SHISA9: variants seen among roughly 807,000 people sequenced by gnomAD.
SHISA9 encodes the protein protein shisa-9.
SHISA9 carries 13 observed loss-of-function variants against 38.0 expected under a neutral mutation model. The ratio of observed to expected loss-of-function variants is 0.34; its 90% CI spans 0.22 to 0.54. The LOEUF (loss-of-function observed/expected upper bound fraction) is 0.54. Ranked by LOEUF, SHISA9 falls within the 20% of genes least tolerant of loss-of-function variation. The pLI is 0.91. For missense variants in SHISA9, 538 were observed against 575.8 expected (o/e 0.93, Z 0.67); for synonymous variants, 275 against 242.0 (o/e 1.14, Z -1.27).
Position 12,969,893 on chromosome 16 carries a change from TG to T in SHISA9, c.691+53079del, listed in dbSNP as rs1325648746. ...GAAGCTATATTCAAAATGTAGAACG[TG>T]CAAAACAATATAGTAAACTGTTTAG... On this transcript the variant is annotated intron_variant, in intron 2 of 4. Coordinates refer to ENST00000558583, the MANE Select transcript of SHISA9 (RefSeq NM_001145204.3). Among the ~76,000 whole-genome samples, 4 of 152,188 alleles carry T rather than the reference TG, an allele frequency of 2.6e-5. 1 individual carries two copies. The highest frequency in any genetic ancestry group is 3.4e-3 in the Middle Eastern group (1 of 294).
intron 2 of SHISA9, among the ~76,000 whole-genome samples, chr16:13,128,150 A>G (rs2050277303): frequency 6.6e-6 from 1 of 152,148 alleles, no homozygotes; most frequent in Admixed American, 6.5e-5. Flanking sequence ...ACTTGGGGAC[A>G]CAGTCTCTAC....
chr16:13,326,829 T>C, the SHISA9 span, among the ~76,000 whole-genome samples: 299 of 152,312 alleles, frequency 2.0e-3, no homozygotes, highest in Non-Finnish European at 3.2e-3. Flanking sequence ...AGTGATATGG[T>C]TGAGATACCC....
In SHISA9 at chr16:13,237,039, T is replaced by C. The variant is rs2051391785; in HGVS notation, c.*1630T>C. The C allele has an allele frequency of 6.6e-6, 1 of 151,872 alleles. No homozygotes were observed. Among genetic ancestry groups the C allele is most frequent in the Non-Finnish European group, 1.5e-5 (1 of 67,972 alleles). The allele number at this position is 151,872 out of a possible 1,614,324, so 9.4% of individuals were successfully genotyped here. A position where few individuals can be genotyped will look rare whatever the true frequency, so the allele number is the denominator to read the frequency against. On this transcript the variant is annotated 3_prime_UTR_variant, in exon 5 of 5. Coordinates refer to ENST00000558583, the MANE Select transcript of SHISA9 (RefSeq NM_001145204.3). ...AGAGATTTTTATCTAAGGTGGAAGG[T>C]TTTTCAACTAGCCCCTAAAGGTCTT...
chr16:13,549,396 C>T, the SHISA9 span, among the ~76,000 whole-genome samples: 70 of 152,146 alleles, frequency 4.6e-4, no homozygotes, highest in South Asian at 4.4e-3. Flanking sequence ...ACAATGAATA[C>T]GGGTATTGAA....
chr16:13,050,830 C>G (rs2073242886), intron 2 of SHISA9, among the ~76,000 whole-genome samples: 1 of 152,180 alleles, frequency 6.6e-6, no homozygotes, highest in Admixed American at 6.5e-5. Context: ...ACATCCTAAT[C>G]TCCTAAAGAT....
At chr16:13,105,760 A>G (rs896751285) in intron 2 of SHISA9, among the ~76,000 whole-genome samples, 3 of 152,206 alleles carry the variant, frequency 2.0e-5, no homozygotes, top group African/African-American at 7.2e-5. Context: ...GACAGACTCC[A>G]TCCTTATAGG....
the SHISA9 span, among the ~76,000 whole-genome samples, chr16:13,384,422 G>C: frequency 1.3e-5 from 2 of 152,320 alleles, no homozygotes; most frequent in Non-Finnish European, 2.9e-5. Context: ...GTTACCTTGA[G>C]GACTTCAGGG....
At chr16:13,129,701 C>G (rs1361476382) in intron 2 of SHISA9, among the ~76,000 whole-genome samples, 1 of 152,166 alleles carries the variant, frequency 6.6e-6, no homozygotes, top group Non-Finnish European at 1.5e-5. Context: ...CTCAGAGGAG[C>G]TGGTCTCTGC....
intron 2 of SHISA9, among the ~76,000 whole-genome samples, chr16:13,125,692 AATTAG>A (rs140988983): frequency 0.021 from 3,200 of 152,292 alleles, 112 homozygotes; most frequent in African/African-American, 0.073. Flanking sequence ...AAAACCTCAC[AATTAG>A]AAACCAAAAT....
chr16:13,382,790 A>C, the SHISA9 span, among the ~76,000 whole-genome samples: 6 of 151,148 alleles, frequency 4.0e-5, no homozygotes, highest in Non-Finnish European at 1.5e-5. Context: ...CCCAGGAGGC[A>C]GAAGCTGCAG....
At chr16:13,536,768 G>T in the SHISA9 span, among the ~76,000 whole-genome samples, 1 of 152,196 alleles carries the variant, frequency 6.6e-6, no homozygotes, top group African/African-American at 2.4e-5. Context: ...ATCAGGGTGT[G>T]GGGGTGGAAA....
At chr16:13,551,164 C>G in the SHISA9 span, among the ~76,000 whole-genome samples, 1 of 151,958 alleles carries the variant, frequency 6.6e-6, no homozygotes, top group Non-Finnish European at 1.5e-5. Context: ...AGATAAAAAT[C>G]CACTGAAGAT....
chr16:12,910,072 G>C (rs2071161269), intron 1 of SHISA9: 1 of 152,164 alleles, frequency 6.6e-6, no homozygotes, highest in African/African-American at 2.4e-5. Context: ...GGCCAGGCTG[G>C]TCTCGAACTC....
intron 2 of SHISA9, among the ~76,000 whole-genome samples, chr16:13,096,797 C>A (rs2073832653): frequency 6.6e-6 from 1 of 152,058 alleles, no homozygotes; most frequent in African/African-American, 2.4e-5. Context: ...TTGTTCTCAC[C>A]CCAGCCTTTT....
At chr16:13,309,427 G>A in the SHISA9 span, among the ~76,000 whole-genome samples, 3 of 151,940 alleles carry the variant, frequency 2.0e-5, no homozygotes, top group Non-Finnish European at 4.4e-5. Context: ...TAGATCACCC[G>A]AGGTCAGAAG....
the SHISA9 span, among the ~76,000 whole-genome samples, chr16:13,320,474 G>C: frequency 6.6e-6 from 1 of 152,088 alleles, no homozygotes; most frequent in Non-Finnish European, 1.5e-5. Flanking sequence ...CTCTTTGGGT[G>C]CTAGGGAAGC....
intron 2 of SHISA9, among the ~76,000 whole-genome samples, chr16:13,189,587 G>C (rs911591762): frequency 6.6e-6 from 1 of 152,130 alleles, no homozygotes; most frequent in Non-Finnish European, 1.5e-5. Flanking sequence ...CTGAGTACAC[G>C]ACTTTTGTCT....
chr16:12,935,690 A>T (rs538196423), intron 2 of SHISA9, among the ~76,000 whole-genome samples: 1 of 152,068 alleles, frequency 6.6e-6, no homozygotes, highest in Non-Finnish European at 1.5e-5. Context: ...TGTACAAAAA[A>T]TACAAAAAGT....
chr16:13,246,875 G>T, the SHISA9 span, among the ~76,000 whole-genome samples: 1 of 151,642 alleles, frequency 6.6e-6, no homozygotes, highest in African/African-American at 2.4e-5. Context: ...AATGTTATCC[G>T]TTGCCATCAT....
Sources: allele counts gnomAD v4.1 joint callset (sites outside exome capture counted in the v4.1 genomes callset), GRCh38; gene constraint gnomAD v4.1.1; transcripts MANE v1.5; gene names NCBI Gene and HGNC (gene_info 2026-07-23, HGNC 2026-07-21).